The following CLK3 variants were observed in gnomAD, a reference collection of about 807,000 sequenced individuals.
The protein encoded by CLK3 is dual specificity protein kinase CLK3.
CLK3 carries 24 observed loss-of-function variants against 65.2 expected under a neutral mutation model. That is an observed-to-expected ratio of 0.37 (90% CI 0.27 to 0.52). The LOEUF (loss-of-function observed/expected upper bound fraction) is 0.52, where lower values mean the gene tolerates loss of function less well. CLK3 is among the 20% of genes least tolerant of loss of function. CLK3 has a pLI of 0.92. For missense variants in CLK3, 506 were observed against 660.0 expected, an observed-to-expected ratio of 0.77 and a Z score of 2.56; for synonymous variants, 252 against 240.8, an observed-to-expected ratio of 1.05 and a Z score of -0.43.
At chr15:74,612,194 G>A (rs900820807), upstream of CLK3, among the ~76,000 whole-genome samples, 10 of 152,334 alleles carry the variant, frequency 6.6e-5, no homozygotes, top group African/African-American at 2.4e-4. Flanking sequence ...CCAGAGCCAC[G>A]TTCCCCCTTC....
intron 7 of CLK3, chr15:74,626,955 T>C (rs1162243867): frequency 2.2e-6 from 1 of 457,706 alleles, no homozygotes. Flanking sequence ...TCTTAGTAAC[T>C]TGAACAGGGG....
At position 74,625,029 on chromosome 15, in the gene CLK3, G is replaced by A. The variant is rs757387193; in HGVS notation, c.650+11G>A. 4 of 1,597,014 alleles carry A rather than the reference G, an allele frequency of 2.5e-6. No individual in the cohort carries two copies. Among genetic ancestry groups the A allele is most frequent in the East Asian group, 4.5e-5 (2 of 44,790 alleles). On this transcript the variant is annotated intron_variant, in intron 6 of 12. Coordinates refer to ENST00000395066, the MANE Select transcript of CLK3 (RefSeq NM_001130028.2). ...CAAAGAAAACAAGTTGTGAGTATCT[G>A]CAAGGAGTGGGAGGGAAGCCTTCAG...
rs1309822553 is a variant in CLK3, at chr15:74,627,812, G to C, written c.1042+144G>C. The C allele has an allele frequency of 6.2e-6, 8 of 1,299,446 alleles. No individual in the cohort carries two copies. The highest frequency in any genetic ancestry group is 8.8e-6 in the Non-Finnish European group (8 of 912,106). The allele number at this position is 1,299,446 out of a possible 1,614,324, so 80.5% of individuals were successfully genotyped here. A position where few individuals can be genotyped will look rare whatever the true frequency, so the allele number is the denominator to read the frequency against. On this transcript the variant is annotated intron_variant, in intron 9 of 12. Transcript: ENST00000395066. This position sits in a 1 kb window ranked among gnomAD's most constrained non-coding sequence, Gnocchi z 4.3. ...CAAGGGGCCAGTGTCATGAGACACA[G>C]GTGACTGACCTGGCTTTATCTGTCA... is the stretch of plus-strand genomic sequence containing the variant.
chr15:74,616,803 C>G (rs1379349722), intron 1 of CLK3, among the ~76,000 whole-genome samples: 1 of 152,220 alleles, frequency 6.6e-6, no homozygotes, highest in Non-Finnish European at 1.5e-5. Flanking sequence ...GGCTGCACTT[C>G]TAGTCAGCCC....
rs756644232 is a variant in CLK3 at position 74,622,062 on chromosome 15, A to G, written c.370-58A>G. On this transcript the variant is annotated intron_variant, in intron 3 of 12. Coordinates refer to ENST00000395066, the MANE Select transcript of CLK3 (RefSeq NM_001130028.2). This position sits in a 1 kb window ranked among gnomAD's most constrained non-coding sequence, Gnocchi z 4.6. ...CTTTGACTGACACCTCAATCTGTCA[A>G]TCGGAACCGCCTACCATGCGATTGG... 5.2e-6 allele frequency: 8 copies of G among 1,533,410 alleles called. No individual in the cohort carries two copies. Among genetic ancestry groups the G allele is most frequent in the Admixed American group, 3.3e-5 (2 of 59,712 alleles). The allele number at this position is 1,533,410 out of a possible 1,614,324, so 95.0% of individuals were successfully genotyped here.
In CLK3 at chr15:74,622,318, A is replaced by T; in HGVS notation, c.466+102A>T. On this transcript the variant is annotated intron_variant, in intron 4 of 12. Coordinates refer to ENST00000395066, the MANE Select transcript of CLK3 (RefSeq NM_001130028.2). The surrounding 1 kb of genome is among the most constrained non-coding windows in gnomAD (Gnocchi z 4.6). ...GGGCCTCTAGTGCGCGTGGTGCCTT[A>T]GCGGGGCCACCAGTAATTGCCTGAA... The T allele has an allele frequency of 8.5e-7, 1 of 1,170,038 alleles. No individual in the cohort carries two copies. The highest frequency in any genetic ancestry group is 1.4e-5 in the South Asian group (1 of 72,046). The allele number at this position is 1,170,038 out of a possible 1,614,324, so 72.5% of individuals were successfully genotyped here.
rs1225592126 is a variant in CLK3 at position 74,615,898 on chromosome 15, G to C, written c.-1G>C. ...TAGCTGCAGCCGGAGCCTGGGAGAC[G>C]GTAAGTGTGGGCTGGGGTCCGCGGC... On this transcript the variant is annotated splice_region_variant and 5_prime_UTR_variant, in exon 1 of 13. Transcript: ENST00000395066. 5 of 1,251,764 alleles carry C rather than the reference G, an allele frequency of 4.0e-6. No homozygotes were observed. The highest frequency in any genetic ancestry group is 3.4e-5 in the South Asian group (1 of 29,716). 77.5% of individuals were successfully genotyped at this position (1,251,764 alleles called of 1,614,324 possible).
intron 1 of CLK3, among the ~76,000 whole-genome samples, chr15:74,609,203 G>T (rs903448179): frequency 6.6e-6 from 1 of 152,140 alleles, no homozygotes; most frequent in Non-Finnish European, 1.5e-5. Flanking sequence ...CTTTACCCAT[G>T]CAGCCCCTCC....
chr15:74,618,829 G>C (rs116013986), intron 1 of CLK3, among the ~76,000 whole-genome samples: 38 of 152,346 alleles, frequency 2.5e-4, no homozygotes, highest in Admixed American at 1.2e-3. Flanking sequence ...GGAGGGAATA[G>C]AGTGCAGGAG....
chr15:74,619,516 C>G (rs1283824727), intron 2 of CLK3, among the ~76,000 whole-genome samples, 168 bp downstream of exon 2: 3 of 152,178 alleles, frequency 2.0e-5, no homozygotes, highest in Non-Finnish European at 4.4e-5. Context: ...TTGGCCTCAG[C>G]AGTAGCTACC....
chr15:74,615,809 G>A, upstream of CLK3: 2 of 1,245,776 alleles, frequency 1.6e-6, no homozygotes, highest in Non-Finnish European at 2.0e-6. Context: ...CGAGGGGGCG[G>A]GGCTGCCACG....
Position 74,622,328 on chromosome 15 carries a change from C to G in CLK3, c.466+112C>G. On this transcript the variant is annotated intron_variant, in intron 4 of 12. Coordinates refer to ENST00000395066, the MANE Select transcript of CLK3 (RefSeq NM_001130028.2). The surrounding 1 kb of genome is among the most constrained non-coding windows in gnomAD (Gnocchi z 4.6). Reference sequence around the variant, plus strand: ...TGCGCGTGGTGCCTTAGCGGGGCCACCAGTAATTGCCTGAATGACACAGAC... The same window carrying G: ...TGCGCGTGGTGCCTTAGCGGGGCCAGCAGTAATTGCCTGAATGACACAGAC... 3 of 1,078,854 alleles carry G rather than the reference C, an allele frequency of 2.8e-6. No individual in the cohort carries two copies. The highest frequency in any genetic ancestry group is 4.1e-6 in the Non-Finnish European group (3 of 725,388). 66.8% of individuals were successfully genotyped at this position (1,078,854 alleles called of 1,614,324 possible).
At position 74,622,674 on chromosome 15, in the gene CLK3, G is replaced by T. The variant is rs1022620508; in HGVS notation, c.533+114G>T. The T allele has an allele frequency of 1.3e-6, 1 of 780,984 alleles. No individual in the cohort carries two copies. Among genetic ancestry groups the T allele is most frequent in the Admixed American group, 2.9e-5 (1 of 34,862 alleles). 48.4% of individuals were successfully genotyped at this position (780,984 alleles called of 1,614,324 possible). A position where few individuals can be genotyped will look rare whatever the true frequency, so the allele number is the denominator to read the frequency against. On this transcript the variant is annotated intron_variant, in intron 5 of 12. Coordinates refer to ENST00000395066, the MANE Select transcript of CLK3 (RefSeq NM_001130028.2). The surrounding 1 kb of genome is among the most constrained non-coding windows in gnomAD (Gnocchi z 4.6). The stretch of plus-strand genomic sequence containing the variant: ...AGCTTAACTTTTTTCTTTTTGAAGG[G>T]TGGCATCAAAGTAGGGTTCCGACCT...
chr15:74,627,062 G>C lies in CLK3; in HGVS notation c.818-290G>C. ...GGCTGTTGCTGTAGCTCTGCTGAGA[G>C]ACAGGTGAGGAGGCCTGGTCTCTGC... On this transcript the variant is annotated intron_variant, in intron 7 of 12. Coordinates refer to ENST00000395066, the MANE Select transcript of CLK3 (RefSeq NM_001130028.2). This position sits in a 1 kb window ranked among gnomAD's most constrained non-coding sequence, Gnocchi z 4.3. 1.9e-6 allele frequency: 1 copy of C among 530,006 alleles called. No individual in the cohort carries two copies. The highest frequency in any genetic ancestry group is 3.6e-6 in the Non-Finnish European group (1 of 275,240). 32.8% of individuals were successfully genotyped at this position (530,006 alleles called of 1,614,324 possible).
intron 1 of CLK3, among the ~76,000 whole-genome samples, chr15:74,609,712 T>A (rs1178213117): frequency 6.6e-6 from 1 of 152,228 alleles, no homozygotes; most frequent in Non-Finnish European, 1.5e-5. Flanking sequence ...GGGCCCTGCC[T>A]CCATCCCAGC....
chr15:74,625,008 G>C lies in CLK3; in HGVS notation c.640G>C (p.Glu214Gln). ...VLKKIKEKDK[E>Q]NKFLCVLMSD... ...CAAAAAAATCAAGGAGAAGGACAAA[G>C]AAAACAAGTTGTGAGTATCTGCAAG... Residue 214 changes from glutamate (E) to glutamine (Q), a missense_variant, in exon 6 of 13, where the codon GAA becomes CAA. By Grantham distance (29) the Glu-to-Gln change is conservative. Around this residue, in one of 2 missense-constraint regions of CLK3, gnomAD observed 325 missense variants for 500.5 expected, o/e 0.65. Transcript: ENST00000395066. 6.2e-7 allele frequency: 1 copy of C among 1,613,256 alleles called. No homozygotes were observed.
chr15:74,615,817 A>G, upstream of CLK3: 1 of 1,247,028 alleles, frequency 8.0e-7, no homozygotes. Context: ...CGGGGCTGCC[A>G]CGGGCGGAGG....
rs751013171 is a variant in CLK3, at chr15:74,628,679, ACCAGGTAAGGACC to A, written c.1205+1_1205+13del. On this transcript the variant is annotated splice_donor_variant and splice_donor_5th_base_variant and coding_sequence_variant and intron_variant, in exon 11 of 13. Transcript: ENST00000395066. LOFTEE classifies it high-confidence loss of function. The stretch of plus-strand genomic sequence containing the variant: ...CATCCCATCACACATGATCCACCGT[ACCAGGTAAGGACC>A]CCAGTAGCCCCCTCAGGGTTGGTAT... 1 of 1,611,826 alleles carries A rather than the reference ACCAGGTAAGGACC, an allele frequency of 6.2e-7. No individual in the cohort carries two copies. Among genetic ancestry groups the A allele is most frequent in the Non-Finnish European group, 8.5e-7 (1 of 1,178,926 alleles).
chr15:74,627,522 C>T lies in CLK3; in HGVS notation c.913-17C>T. ...TGGTGCAGACTCCTGACCTGGCAGG[C>T]CTGCCTTGCCTTTCAGAGCTGTGAG... On this transcript the variant is annotated splice_polypyrimidine_tract_variant and intron_variant, in intron 8 of 12. Transcript: ENST00000395066. The surrounding 1 kb of genome is among the most constrained non-coding windows in gnomAD (Gnocchi z 4.3). 6.2e-7 allele frequency: 1 copy of T among 1,614,224 alleles called. No individual in the cohort carries two copies. Among genetic ancestry groups the T allele is most frequent in the East Asian group, 2.2e-5 (1 of 44,890 alleles).
Sources: gnomAD v4.1 joint callset for allele counts (sites outside exome capture counted in the v4.1 genomes callset) on GRCh38, gnomAD v4.1.1 for gene constraint, gnomAD v4.1.1 regional missense constraint, Gnocchi (gnomAD v3.1) non-coding constraint, MANE v1.5 for transcripts, NCBI Gene and HGNC (gene_info 2026-07-23, HGNC 2026-07-21) for gene names.